PKD1L3: variants seen among roughly 807,000 people sequenced by gnomAD.
The protein encoded by PKD1L3 is polycystin-1-like protein 3.
A neutral mutation model predicts 184.1 loss-of-function variants in PKD1L3; 239 were observed. The observed-to-expected ratio is 1.30, with a 90% CI of 1.17 to 1.45. The LOEUF (loss-of-function observed/expected upper bound fraction) is 1.45, where lower values mean the gene tolerates loss of function less well. PKD1L3 is among the 40% of genes most tolerant of loss of function. PKD1L3 has a pLI of 0.00. For synonymous variants in PKD1L3, 996 were observed against 778.8 expected, an observed-to-expected ratio of 1.28 and a Z score of -4.64; for missense variants, 2,660 against 2,067.2, an observed-to-expected ratio of 1.29 and a Z score of -5.56.
chr16:71,980,133 A>C lies in PKD1L3; in HGVS notation c.1145T>G (p.Val382Gly). The stretch of plus-strand genomic sequence containing the variant: ...CAAGGACATTTCCAGGATGTCTTCT[A>C]CCTGCATGGAAAGGAAAACAGTGTG... ...WLESKRHTEPVEDILEMSLVE... is the reference protein window; with the variant it reads ...WLESKRHTEPGEDILEMSLVE... Residue 382 changes from valine (V) to glycine (G), a missense_variant and splice_region_variant, in exon 8 of 30, where the codon GTA becomes GGA. Transcript: ENST00000620267. The C allele has an allele frequency of 6.4e-7, 1 of 1,551,458 alleles. No individual in the cohort carries two copies. The highest frequency in any genetic ancestry group is 2.4e-5 in the East Asian group (1 of 40,916).
rs1028006985 is a variant in PKD1L3 at position 71,954,214 on chromosome 16, A to C, written c.2700T>G (p.Phe900Leu). The C allele has an allele frequency of 6.4e-7, 1 of 1,551,534 alleles. No individual in the cohort carries two copies. Among genetic ancestry groups the C allele is most frequent in the Non-Finnish European group, 8.7e-7 (1 of 1,146,780 alleles). ...SIATRHPWNQ[F>L]TRVQRLSCCM... ...AGCAAGACAGCCGTTGGACCCTTGT[A>C]AACTGGTTCCAGGGATGCCGAGTTG... The change falls in exon 17 of 30, where the codon TTT becomes TTG. Residue 900 changes from phenylalanine (F) to leucine (L), a missense_variant. By Grantham distance (22) the Phe-to-Leu change is conservative. Coordinates refer to ENST00000620267, the MANE Select transcript of PKD1L3 (RefSeq NM_181536.2).
At chr16:71,994,636 A>G (rs778364584) in intron 2 of PKD1L3, among the ~76,000 whole-genome samples, 110 of 152,200 alleles carry the variant, frequency 7.2e-4, no homozygotes, top group Non-Finnish European at 1.3e-3. Context: ...TACCTTAAAA[A>G]TTGTCCAAAC....
At chr16:71,984,827 C>A (rs977264813) in intron 5 of PKD1L3, among the ~76,000 whole-genome samples, 2 of 152,170 alleles carry the variant, frequency 1.3e-5, no homozygotes, top group Non-Finnish European at 2.9e-5. Context: ...CCACTGCACT[C>A]CAGCCTGGGC....
At chr16:71,960,857 G>A (rs2039250633) in intron 16 of PKD1L3, among the ~76,000 whole-genome samples, 1 of 151,968 alleles carries the variant, frequency 6.6e-6, no homozygotes, top group African/African-American at 2.4e-5. Flanking sequence ...TAGGTGTTTG[G>A]GACCAGCTTG....
intron 13 of PKD1L3, among the ~76,000 whole-genome samples, chr16:71,968,566 A>T (rs1426298145): frequency 6.6e-6 from 1 of 152,182 alleles, no homozygotes; most frequent in Non-Finnish European, 1.5e-5. Flanking sequence ...GTTTTAAAAA[A>T]CATGCCATAT....
chr16:71,992,543 A>G (rs2040630808), intron 3 of PKD1L3, among the ~76,000 whole-genome samples: 1 of 152,244 alleles, frequency 6.6e-6, no homozygotes, highest in Non-Finnish European at 1.5e-5. Context: ...AAAATATGTC[A>G]TCTTTACTTC....
chr16:71,960,181 C>CA (rs894536436), intron 16 of PKD1L3, among the ~76,000 whole-genome samples: 34 of 148,738 alleles, frequency 2.3e-4, no homozygotes, highest in Admixed American at 1.5e-3. Flanking sequence ...AAAAAAAAAC[C>CA]AAAAAAAACT....
In PKD1L3 at chr16:71,949,990, G is replaced by A. The variant is rs567272080; in HGVS notation, c.3411C>T (p.Ser1137=). ...AGATGGGCTTTTTTCCTTCTTCTGA[G>A]CTCAGGATGGCAAAACTGGTGACTT... ...SREVTSFAIL[S]SEEGKKPISN... Residue 1137 remains serine (S), a synonymous_variant, in exon 21 of 30, where the codon AGC becomes AGT. Coordinates refer to ENST00000620267, the MANE Select transcript of PKD1L3 (RefSeq NM_181536.2). 6.4e-6 allele frequency: 10 copies of A among 1,551,562 alleles called. No individual in the cohort carries two copies. The highest frequency in any genetic ancestry group is 1.7e-4 in the Middle Eastern group (1 of 5,992).
chr16:71,986,222 T>C lies in PKD1L3; in HGVS notation c.833A>G (p.Gln278Arg). 1.3e-6 allele frequency: 2 copies of C among 1,552,256 alleles called. No homozygotes were observed. The highest frequency in any genetic ancestry group is 2.7e-5 in the African/African-American group (2 of 73,196). The change falls in exon 5 of 30, where the codon CAG becomes CGG. Residue 278 changes from glutamine (Q) to arginine (R), a missense_variant and splice_region_variant. By Grantham distance (43) the Gln-to-Arg change is conservative. Transcript: ENST00000620267. ...GTGACTTGAATTTCCCATGTTTACC[T>C]GACCAGATGCCTTCTGCAATGACAC... ...LQVSLQKASG[Q>R]VIDEIAGNFS...
chr16:71,943,164 A>G, intron 23 of PKD1L3, 140 bp from the exon 24 acceptor site: 2 of 620,652 alleles, frequency 3.2e-6, no homozygotes, highest in Non-Finnish European at 5.6e-6. Flanking sequence ...GGTTCAATCT[A>G]ATAATTATAA....
chr16:71,985,593 G>A (rs140661597), intron 5 of PKD1L3, among the ~76,000 whole-genome samples: 1 of 152,096 alleles, frequency 6.6e-6, no homozygotes, highest in African/African-American at 2.4e-5. Context: ...CACCACACCT[G>A]GCTAATTTTT....
rs377392088 is a variant in PKD1L3 at position 71,945,305 on chromosome 16, TACACACACAC to T, written c.3719-1145_3719-1136del. Among the ~76,000 whole-genome samples, 15 of 59,400 alleles carry T rather than the reference TACACACACAC, an allele frequency of 2.5e-4. 1 individual carries two copies. Among genetic ancestry groups the T allele is most frequent in the East Asian group, 1.8e-3 (3 of 1,682 alleles). The allele number at this position is 59,400 out of a possible 152,430, so 39.0% of individuals were successfully genotyped here. A position where few individuals can be genotyped will look rare whatever the true frequency, so the allele number is the denominator to read the frequency against. ...ATATATATATATATATATATATATA[TACACACACAC>T]ACACACATATATACACACACACACA... is the stretch of plus-strand genomic sequence containing the variant. On this transcript the variant is annotated intron_variant, in intron 22 of 29. Transcript: ENST00000620267.
chr16:71,964,994 G>C (rs1164285632), intron 15 of PKD1L3, among the ~76,000 whole-genome samples: 1 of 151,836 alleles, frequency 6.6e-6, no homozygotes, highest in Admixed American at 6.6e-5. Context: ...GTACAGGCAT[G>C]AGCCATCACG....
chr16:71,964,275 G>C (rs998171375), intron 15 of PKD1L3, among the ~76,000 whole-genome samples: 8 of 112,028 alleles, frequency 7.1e-5, no homozygotes, highest in African/African-American at 2.4e-4. Context: ...GTCTGTGTTT[G>C]TCATGAAACC....
In PKD1L3 at chr16:71,937,712, A is replaced by G. The variant is rs996841313; in HGVS notation, c.4325-293T>C. Among the ~76,000 whole-genome samples, 4 of 152,256 alleles carry G rather than the reference A, an allele frequency of 2.6e-5. No individual in the cohort carries two copies. In the East Asian group the frequency reaches 7.7e-4, roughly 29 times the overall value. ...TAACAGTTATTATAGATGTTACCCT[A>G]TCCATGTCAGAGTGGCTGCAGAGAG... On this transcript the variant is annotated intron_variant, in intron 24 of 29. Coordinates refer to ENST00000620267, the MANE Select transcript of PKD1L3 (RefSeq NM_181536.2).
At chr16:71,942,501 A>C (rs1466884807) in intron 24 of PKD1L3, 59 bp downstream of exon 24, 2 of 1,395,094 alleles carry the variant, frequency 1.4e-6, no homozygotes, top group Non-Finnish European at 9.8e-7. Context: ...CTGGTTTTGC[A>C]CTTATTGAAC....
intron 2 of PKD1L3, among the ~76,000 whole-genome samples, chr16:71,995,360 C>A (rs2040749532): frequency 6.6e-6 from 1 of 152,312 alleles, no homozygotes. Context: ...TTATGGAAAA[C>A]ATTTAAAGAG....
chr16:71,997,642 G>A (rs2040838743), intron 2 of PKD1L3, among the ~76,000 whole-genome samples: 1 of 152,082 alleles, frequency 6.6e-6, no homozygotes, highest in Admixed American at 6.6e-5. Flanking sequence ...CAGCTACTAG[G>A]GAGGCTGAGG....
At position 71,947,582 on chromosome 16, in the gene PKD1L3, A is replaced by G. The variant is rs998962444; in HGVS notation, c.3628T>C (p.Phe1210Leu). 2 of 1,540,026 alleles carry G rather than the reference A, an allele frequency of 1.3e-6. No homozygotes were observed. Among genetic ancestry groups the G allele is most frequent in the African/African-American group, 1.4e-5 (1 of 72,874 alleles). Residue 1210 changes from phenylalanine (F) to leucine (L), a missense_variant, in exon 22 of 30, where the codon TTC becomes CTC. Transcript: ENST00000620267. ...FISQPVKVVF[F>L]TFLYSLMMSR... ...ATCATCAGTGAGTATAAGAATGTGA[A>G]GAAGACCACCTGGGCAGGAGAATCA...
Sources: gnomAD v4.1 joint callset for allele counts (sites outside exome capture counted in the v4.1 genomes callset) on GRCh38, gnomAD v4.1.1 for gene constraint, MANE v1.5 for transcripts, NCBI Gene and HGNC (gene_info 2026-07-23, HGNC 2026-07-21) for gene names.